The following SELP variants were observed in gnomAD, a reference collection of about 807,000 sequenced individuals.
The protein encoded by SELP is selectin P.
A neutral mutation model predicts 104.1 loss-of-function variants in SELP; 92 were observed. The observed-to-expected ratio is 0.88, with a 90% CI of 0.75 to 1.05. The LOEUF (loss-of-function observed/expected upper bound fraction) is 1.05, where lower values mean the gene tolerates loss of function less well. SELP is among the 50% of genes least tolerant of loss of function. SELP has a pLI of 0.00. For missense variants in SELP, 1,022 were observed against 1,017.3 expected, an observed-to-expected ratio of 1.00 and a Z score of -0.06; for synonymous variants, 397 against 364.5, an observed-to-expected ratio of 1.09 and a Z score of -1.01.
rs3917842 is a variant in SELP, at chr1:169,591,032, C to T, written c.2438+394G>A. Among the ~76,000 whole-genome samples the T allele has an allele frequency of 2.8e-3, 425 of 152,182 alleles. 2 individuals are homozygous for T. Among genetic ancestry groups the T allele is most frequent in the African/African-American group, 9.9e-3 (410 of 41,514 alleles). On this transcript the variant is annotated intron_variant, in intron 15 of 16. Transcript: ENST00000263686. ...CAGACTCTTTACCGGAGTTGTTCACCATGTTGAAAAATTAGGCTGGTGTTG... is the reference window on the plus strand; with the variant it reads ...CAGACTCTTTACCGGAGTTGTTCACTATGTTGAAAAATTAGGCTGGTGTTG...
chr1:169,596,987 T>C lies in SELP; in HGVS notation c.1891+4A>G, dbSNP rs1440633293. ...GAACTGTCTTAGCAAGTACATATTA[T>C]TACCTTTGCAGGTTGGTGGAGTAGC... On this transcript the variant is annotated splice_donor_region_variant and intron_variant, in intron 11 of 16. Transcript: ENST00000263686. The C allele has an allele frequency of 1.9e-6, 3 of 1,608,556 alleles. No homozygotes were observed. Among genetic ancestry groups the C allele is most frequent in the Non-Finnish European group, 2.5e-6 (3 of 1,177,222 alleles).
chr1:169,626,234 A>G (rs1033748065), intron 1 of SELP, among the ~76,000 whole-genome samples: 3 of 152,244 alleles, frequency 2.0e-5, no homozygotes, highest in South Asian at 2.1e-4. Context: ...GACAGATCAC[A>G]TCGGGCTTTG....
chr1:169,603,359 CA>C (rs1662020022), intron 9 of SELP, 148 bp from the exon 10 acceptor site: 4 of 588,126 alleles, frequency 6.8e-6, no homozygotes, highest in Non-Finnish European at 8.2e-6. Flanking sequence ...GATTAATATA[CA>C]ACGATGGTAT....
At chr1:169,604,558 A>T (rs1224501253) in intron 9 of SELP, among the ~76,000 whole-genome samples, 1 of 152,258 alleles carries the variant, frequency 6.6e-6, no homozygotes, top group Non-Finnish European at 1.5e-5. Flanking sequence ...TGACTTAAAC[A>T]GCATGAGGTT....
chr1:169,590,066 T>G (rs1661273017), intron 16 of SELP, 81 bp downstream of exon 16: 2 of 963,394 alleles, frequency 2.1e-6, no homozygotes, highest in Admixed American at 4.4e-5. Flanking sequence ...TATGATTATG[T>G]AAAGAAAAGT....
intron 10 of SELP, among the ~76,000 whole-genome samples, chr1:169,598,377 A>C (rs1009070314): frequency 1.3e-5 from 2 of 152,156 alleles, no homozygotes; most frequent in Non-Finnish European, 2.9e-5. Context: ...TTCAAGACCT[A>C]TATGCTCCCT....
intron 8 of SELP, among the ~76,000 whole-genome samples, chr1:169,608,396 G>A (rs111439327): frequency 5.3e-4 from 81 of 152,050 alleles, no homozygotes; most frequent in Middle Eastern, 6.8e-3. Flanking sequence ...GGCAACCTCC[G>A]TTCTACTTTC....
chr1:169,600,558 C>T (rs1161241761), intron 10 of SELP, among the ~76,000 whole-genome samples: 1 of 152,130 alleles, frequency 6.6e-6, no homozygotes, highest in Non-Finnish European at 1.5e-5. Context: ...GTGGAACTAT[C>T]GGTAGAGCCA....
At chr1:169,598,963 A>G (rs543682726) in intron 10 of SELP, among the ~76,000 whole-genome samples, 1 of 152,336 alleles carries the variant, frequency 6.6e-6, no homozygotes, top group African/African-American at 2.4e-5. Flanking sequence ...TACAGCATTA[A>G]ATTCATTTGG....
At chr1:169,627,611 T>G (rs973047714) in intron 1 of SELP, among the ~76,000 whole-genome samples, 3 of 152,198 alleles carry the variant, frequency 2.0e-5, no homozygotes, top group Non-Finnish European at 4.4e-5. Flanking sequence ...ATAAAACCAC[T>G]GTGTGCCTAC....
Position 169,612,289 on chromosome 1 carries a change from C to A in SELP, c.889G>T (p.Ala297Ser). The part of the protein sequence containing the change: ...SCSFSCEEGF[A>S]LVGPEVVQCT... ...TGCACCACTTCCGGTCCAACTAATG[C>A]AAATCCCTCTTCACAACTGAAGCTG... is the stretch of plus-strand genomic sequence containing the variant. The change falls in exon 6 of 17, where the codon GCA becomes TCA. Residue 297 changes from alanine (A) to serine (S), a missense_variant. Transcript: ENST00000263686. 1 of 1,614,178 alleles carries A rather than the reference C, an allele frequency of 6.2e-7. No homozygotes were observed. The highest frequency in any genetic ancestry group is 8.5e-7 in the Non-Finnish European group (1 of 1,180,020).
intron 10 of SELP, among the ~76,000 whole-genome samples, chr1:169,601,674 T>C (rs1407513485): frequency 6.6e-6 from 1 of 152,176 alleles, no homozygotes. Context: ...TGTAGTTCAG[T>C]GGTCAAAACA....
chr1:169,612,111 T>A, intron 6 of SELP, 106 bp downstream of exon 6: 1 of 1,110,200 alleles, frequency 9.0e-7, no homozygotes, highest in Non-Finnish European at 1.3e-6. Flanking sequence ...AGAATTAAAT[T>A]TTGGCAATTC....
At chr1:169,613,260 C>G in intron 4 of SELP, 146 bp from the exon 5 acceptor site, 1 of 753,472 alleles carries the variant, frequency 1.3e-6, no homozygotes, top group South Asian at 2.3e-5. Context: ...TACTTGGTCT[C>G]TTTGTATTGG....
At chr1:169,625,508 C>A (rs947459036) in intron 1 of SELP, among the ~76,000 whole-genome samples, 3 of 152,152 alleles carry the variant, frequency 2.0e-5, no homozygotes, top group African/African-American at 4.8e-5. Context: ...AGGAGGTCCA[C>A]AATTTAAATG....
chr1:169,596,660 T>C (rs566331571), intron 11 of SELP, among the ~76,000 whole-genome samples: 10 of 152,348 alleles, frequency 6.6e-5, no homozygotes, highest in African/African-American at 2.4e-5. Flanking sequence ...ATTCCTAGAT[T>C]TGAAAAACTG....
At chr1:169,607,465 G>T (rs1016833379) in intron 8 of SELP, among the ~76,000 whole-genome samples, 11 of 151,984 alleles carry the variant, frequency 7.2e-5, no homozygotes, top group African/African-American at 2.7e-4. Flanking sequence ...TTGTAAGAGC[G>T]GAATATTGAA....
chr1:169,608,147 CT>C (rs200791706), intron 8 of SELP, among the ~76,000 whole-genome samples: 7,402 of 138,118 alleles, frequency 0.054, 424 homozygotes, highest in African/African-American at 0.15. Flanking sequence ...CTTGTTTTTT[CT>C]TTTTTTTTTT....
At chr1:169,595,662 A>G (rs1328303705) in intron 12 of SELP, among the ~76,000 whole-genome samples, 3 of 152,198 alleles carry the variant, frequency 2.0e-5, no homozygotes, top group Non-Finnish European at 2.9e-5. Flanking sequence ...CTATTTTTCT[A>G]ACACATCTTG....
Sources: allele counts gnomAD v4.1 joint callset (sites outside exome capture counted in the v4.1 genomes callset), GRCh38; gene constraint gnomAD v4.1.1; transcripts MANE v1.5; gene names NCBI Gene and HGNC (gene_info 2026-07-23, HGNC 2026-07-21).